Variants in ALMS1 observed in about 807,000 individuals in gnomAD.
ALMS1 encodes the protein centrosome-associated protein ALMS1.
A neutral mutation model predicts 352.2 loss-of-function variants in ALMS1; 271 were observed. The ratio of observed to expected loss-of-function variants is 0.77; its 90% CI spans 0.70 to 0.85. ALMS1 has a LOEUF of 0.85. Ranked by LOEUF, ALMS1 falls within the 40% of genes least tolerant of loss-of-function variation. The pLI is 0.00. For synonymous variants in ALMS1, 1,865 were observed against 1,761.2 expected, an observed-to-expected ratio of 1.06 and a Z score of -1.48; for missense variants, 5,445 against 4,870.7, an observed-to-expected ratio of 1.12 and a Z score of -3.51.
At chr2:73,469,036 C>T (rs916114142) in intron 9 of ALMS1, among the ~76,000 whole-genome samples, 2 of 151,826 alleles carry the variant, frequency 1.3e-5, no homozygotes, top group Admixed American at 6.6e-5. Flanking sequence ...GCTATGAGAA[C>T]GAGATCCACA....
At chr2:73,585,050 C>G (rs114258316) in intron 16 of ALMS1, among the ~76,000 whole-genome samples, 1,533 of 152,242 alleles carry the variant, frequency 0.01, 39 homozygotes, top group African/African-American at 0.035. Context: ...AGGCTGCTTC[C>G]ATGTTTTTGC....
chr2:73,549,121 G>A lies in ALMS1; in HGVS notation c.9908-1146G>A, dbSNP rs371417239. ...CATACTAGGAGCTCAGGAAATAGAG[G>A]ATCTTAGAAAAATCATCTCATAGGA... On this transcript the variant is annotated intron_variant, in intron 12 of 22. Transcript: ENST00000613296. Among the ~76,000 whole-genome samples the A allele has an allele frequency of 3.9e-5, 6 of 152,208 alleles. No individual in the cohort carries two copies. In the East Asian group the frequency reaches 1.2e-3, roughly 29 times the overall value.
rs1675626714 is a variant in ALMS1, at chr2:73,599,529, C to G, written c.11668+8C>G. 1 of 1,613,130 alleles carries G rather than the reference C, an allele frequency of 6.2e-7. No individual in the cohort carries two copies. Among genetic ancestry groups the G allele is most frequent in the Non-Finnish European group, 8.5e-7 (1 of 1,179,494 alleles). On this transcript the variant is annotated splice_region_variant and intron_variant, in intron 17 of 22. Transcript: ENST00000613296. ...ACAAGGGCATACAAGCAGGTAATTA[C>G]TTGAATCTAAACTTTTTCATTGAAA...
intron 9 of ALMS1, among the ~76,000 whole-genome samples, chr2:73,478,428 G>T (rs923873986): frequency 5.3e-5 from 8 of 152,226 alleles, no homozygotes; most frequent in Non-Finnish European, 1.2e-4. Flanking sequence ...AGGAAGAAGA[G>T]AAATATATTT....
At chr2:73,391,533 T>TA (rs1471968270) in intron 1 of ALMS1, among the ~76,000 whole-genome samples, 2 of 152,086 alleles carry the variant, frequency 1.3e-5, no homozygotes, top group Non-Finnish European at 2.9e-5. Flanking sequence ...GACCTCGTGA[T>TA]ACACCCGCCT....
chr2:73,549,120 G>C (rs1328556160), intron 12 of ALMS1, among the ~76,000 whole-genome samples: 1 of 152,032 alleles, frequency 6.6e-6, no homozygotes, highest in East Asian at 1.9e-4. Flanking sequence ...AGGAAATAGA[G>C]GATCTTAGAA....
At chr2:73,455,423 T>G (rs372779577) in intron 9 of ALMS1, 128 bp downstream of exon 9, 9 of 1,211,162 alleles carry the variant, frequency 7.4e-6, no homozygotes, top group Middle Eastern at 2.2e-4. Context: ...GTTTTGTTTT[T>G]GAGACAGTCT....
At chr2:73,527,666 G>A (rs1673820367) in intron 11 of ALMS1, among the ~76,000 whole-genome samples, 1 of 151,778 alleles carries the variant, frequency 6.6e-6, no homozygotes, top group African/African-American at 2.4e-5. Context: ...TTCTTAGTCT[G>A]GCTAAAGGTT....
intron 9 of ALMS1, among the ~76,000 whole-genome samples, chr2:73,466,652 TAAA>T (rs927925566): frequency 3.6e-4 from 54 of 151,984 alleles, no homozygotes; most frequent in Non-Finnish European, 5.7e-4. Flanking sequence ...AATAATAAAA[TAAA>T]AAAATTCTAA....
At position 73,453,797 on chromosome 2, in the gene ALMS1, G is replaced by A. The variant is rs1036423279; in HGVS notation, c.7270G>A (p.Gly2424Ser). 6.2e-7 allele frequency: 1 copy of A among 1,614,124 alleles called. No individual in the cohort carries two copies. The highest frequency in any genetic ancestry group is 1.3e-5 in the African/African-American group (1 of 75,030). ...DSSSDASDGN[G>S]SCSWDSNLPE... ...AAGTAGTGATGCCAGTGATGGAAAT[G>A]GTTCCTGCTCGTGGGACAGTAATTT... is the stretch of plus-strand genomic sequence containing the variant. The change falls in exon 8 of 23, where the codon GGT (glycine) becomes AGT (serine). Residue 2424 changes from glycine (G) to serine (S), a missense_variant. By Grantham distance (56) the Gly-to-Ser change is moderately conservative (BLOSUM62 0). Transcript: ENST00000613296.
intron 16 of ALMS1, among the ~76,000 whole-genome samples, chr2:73,578,804 T>TAAG (rs1291754730): frequency 1.3e-5 from 2 of 152,292 alleles, no homozygotes; most frequent in East Asian, 3.9e-4. Context: ...TTAAATCAGA[T>TAAG]AAGGGAAAAG....
chr2:73,386,614 T>C (rs143507404), intron 1 of ALMS1, among the ~76,000 whole-genome samples: 209 of 151,640 alleles, frequency 1.4e-3, no homozygotes, highest in African/African-American at 4.8e-3. Flanking sequence ...CCTGAGGGAG[T>C]AATGTGGATA....
chr2:73,570,298 C>T (rs1041327142), intron 15 of ALMS1, among the ~76,000 whole-genome samples: 16 of 152,000 alleles, frequency 1.1e-4, no homozygotes, highest in African/African-American at 3.9e-4. Context: ...GCTTGAAATG[C>T]AAATTTGAAA....
chr2:73,451,506 T>C lies in ALMS1; in HGVS notation c.4979T>C (p.Val1660Ala). 6.2e-7 allele frequency: 1 copy of C among 1,613,908 alleles called. No individual in the cohort carries two copies. The highest frequency in any genetic ancestry group is 8.5e-7 in the Non-Finnish European group (1 of 1,179,948). Reference sequence around the variant, plus strand: ...GACCAGAAGACTGAGACATTACCAGTACATTCTACTAGCTACTCAAATAGG... The same window carrying C: ...GACCAGAAGACTGAGACATTACCAGCACATTCTACTAGCTACTCAAATAGG... ...PADQKTETLPVHSTSYSNRGK... is the reference protein window; with the variant it reads ...PADQKTETLPAHSTSYSNRGK... The change falls in exon 8 of 23, where the codon GTA becomes GCA. Residue 1660 changes from valine (V) to alanine (A), a missense_variant. Coordinates refer to ENST00000613296, the MANE Select transcript of ALMS1 (RefSeq NM_001378454.1).
chr2:73,574,316 A>G (rs1410662691), intron 16 of ALMS1, among the ~76,000 whole-genome samples: 1 of 152,192 alleles, frequency 6.6e-6, no homozygotes, highest in African/African-American at 2.4e-5. Flanking sequence ...GAAAATTTCA[A>G]GTATCACTAG....
Position 73,453,785 on chromosome 2 carries a change from A to G in ALMS1, c.7258A>G (p.Ser2420Gly). 3 of 1,614,174 alleles carry G rather than the reference A, an allele frequency of 1.9e-6. No individual in the cohort carries two copies. The highest frequency in any genetic ancestry group is 1.7e-6 in the Non-Finnish European group (2 of 1,180,018). Residue 2420 changes from serine to glycine, a missense_variant, in exon 8 of 23, where the codon AGT (serine) becomes GGT (glycine). By Grantham distance (56) the Ser-to-Gly change is moderately conservative. Transcript: ENST00000613296. ...VIKSDSSSDA[S>G]DGNGSCSWDS... ...AAAAAGTGATTCAAGTAGTGATGCC[A>G]GTGATGGAAATGGTTCCTGCTCGTG...
At chr2:73,438,658 A>C (rs1671654099) in intron 7 of ALMS1, among the ~76,000 whole-genome samples, 1 of 152,238 alleles carries the variant, frequency 6.6e-6, no homozygotes, top group Non-Finnish European at 1.5e-5. Flanking sequence ...TTTCTGAAGG[A>C]GCATGGGTAG....
rs78039319 is a variant in ALMS1 at position 73,451,960 on chromosome 2, G to C, written c.5433G>C (p.Lys1811Asn). The C allele has an allele frequency of 1.8e-3, 2,854 of 1,613,584 alleles. 45 individuals are homozygous for C. The African/African-American group carries it at 0.033, about 19-fold the overall frequency. Residue 1811 changes from lysine (K) to asparagine (N), a missense_variant, in exon 8 of 23, where the codon AAG becomes AAC. Lys to Asn is a moderately conservative substitution (Grantham distance 94). Transcript: ENST00000613296. Reference sequence around the variant, plus strand: ...CTACTTCCTACTCACACAGAGAGAAGCCCATTGTTTCCTACCAGCGAGAGT... The same window carrying C: ...CTACTTCCTACTCACACAGAGAGAACCCCATTGTTTCCTACCAGCGAGAGT... ...VTSTSYSHREKPIVSYQRELP... is the reference protein window; with the variant it reads ...VTSTSYSHRENPIVSYQRELP...
intron 15 of ALMS1, 146 bp downstream of exon 15, chr2:73,559,288 A>G: frequency 1.1e-6 from 1 of 935,838 alleles, no homozygotes; most frequent in South Asian, 1.6e-5. Context: ...TCTTGTGTAA[A>G]GTACTTTGAT....
Sources: gnomAD v4.1 joint callset for allele counts (sites outside exome capture counted in the v4.1 genomes callset) on GRCh38, gnomAD v4.1.1 for gene constraint, MANE v1.5 for transcripts, NCBI Gene and HGNC (gene_info 2026-07-23, HGNC 2026-07-21) for gene names.